The following DLGAP4 variants were observed in gnomAD, a reference collection of about 807,000 sequenced individuals.
DLGAP4 encodes the protein disks large-associated protein 4.
A neutral mutation model predicts 86.9 loss-of-function variants in DLGAP4; 18 were observed. That is an observed-to-expected ratio of 0.21 (90% CI 0.14 to 0.31). The LOEUF (loss-of-function observed/expected upper bound fraction) is 0.31, where lower values mean the gene tolerates loss of function less well. DLGAP4 is among the 10% of genes least tolerant of loss of function. The pLI, the probability that DLGAP4 is intolerant of heterozygous loss-of-function variation, is 1.00. For missense variants in DLGAP4, 1,085 were observed against 1,362.6 expected (o/e 0.80, Z 3.21); for synonymous variants, 548 against 574.3 (o/e 0.95, Z 0.65).
intron 2 of DLGAP4, among the ~76,000 whole-genome samples, chr20:36,417,378 TGTTTTTG>T (rs1401219116): frequency 2.6e-5 from 4 of 151,894 alleles, no homozygotes; most frequent in Admixed American, 2.0e-4. Flanking sequence ...TTTTTGTTTT[TGTTTTTG>T]TTTTTGTTTT....
intron 1 of DLGAP4, among the ~76,000 whole-genome samples, chr20:36,357,861 G>A (rs879995334): frequency 2.6e-5 from 4 of 152,244 alleles, no homozygotes; most frequent in Non-Finnish European, 5.9e-5. Flanking sequence ...GATGGCCGGT[G>A]AGGGGGCTGC....
chr20:36,417,278 G>A (rs757059387), intron 2 of DLGAP4, among the ~76,000 whole-genome samples: 32 of 152,240 alleles, frequency 2.1e-4, no homozygotes, highest in Non-Finnish European at 4.6e-4. Context: ...AAGGCCCCAT[G>A]GCAGGCAAGA....
intron 2 of DLGAP4, among the ~76,000 whole-genome samples, chr20:36,425,359 C>T (rs1206254197): frequency 6.6e-6 from 1 of 152,106 alleles, no homozygotes; most frequent in Non-Finnish European, 1.5e-5. Context: ...CAGGAAAATG[C>T]AAATCAAAGC....
intron 2 of DLGAP4, among the ~76,000 whole-genome samples, chr20:36,424,839 G>T (rs2032931854): frequency 6.6e-6 from 1 of 151,580 alleles, no homozygotes; most frequent in African/African-American, 2.4e-5. Flanking sequence ...AGATTGAAGT[G>T]ATTCTCCTGC....
chr20:36,408,371 G>A (rs541262999), intron 2 of DLGAP4, among the ~76,000 whole-genome samples: 1 of 152,182 alleles, frequency 6.6e-6, no homozygotes, highest in Non-Finnish European at 1.5e-5. Context: ...AGAGTTATCT[G>A]CACCCGAGGA....
intron 1 of DLGAP4, among the ~76,000 whole-genome samples, chr20:36,346,900 G>A (rs1228979787): frequency 6.6e-6 from 1 of 152,172 alleles, no homozygotes; most frequent in African/African-American, 2.4e-5. Context: ...GGGGTTTCTT[G>A]TAACAGGGGC....
In DLGAP4 at chr20:36,320,639, G is replaced by C. The variant is rs188119701; in HGVS notation, c.-304+14127G>C. ...TGCATCCACTGTACTTGTCAGGGCT[G>C]GGGGAGGCAGGGCCTGTGAGCAGCC... On this transcript the variant is annotated intron_variant, in intron 1 of 12. Coordinates refer to ENST00000339266, the MANE Select transcript of DLGAP4 (RefSeq NM_001365621.2). 2.6e-5 allele frequency among the ~76,000 whole-genome samples: 4 copies of C among 152,266 alleles called. No individual in the cohort carries two copies. The East Asian group carries it at 7.7e-4, about 29-fold the overall frequency.
chr20:36,346,437 C>T (rs1258599008), intron 1 of DLGAP4, among the ~76,000 whole-genome samples: 1 of 152,194 alleles, frequency 6.6e-6, no homozygotes, highest in Non-Finnish European at 1.5e-5. Flanking sequence ...CTCCTGGAAG[C>T]GGTGGGTTTC....
At chr20:36,525,250 AAAAACAAAG>A (rs2037663459) in intron 11 of DLGAP4, among the ~76,000 whole-genome samples, 2 of 66,586 alleles carry the variant, frequency 3.0e-5, no homozygotes, top group Non-Finnish European at 8.8e-5. Flanking sequence ...AAAAAAAAAA[AAAAACAAAG>A]AAATCCCACT....
chr20:36,362,556 G>T (rs1271825036), intron 1 of DLGAP4, among the ~76,000 whole-genome samples: 1 of 152,204 alleles, frequency 6.6e-6, no homozygotes, highest in Non-Finnish European at 1.5e-5. Context: ...GACAAGGAAG[G>T]AGGGAAAACC....
At chr20:36,373,359 A>G (rs1019374979) in intron 2 of DLGAP4, among the ~76,000 whole-genome samples, 3 of 152,240 alleles carry the variant, frequency 2.0e-5, no homozygotes, top group Non-Finnish European at 2.9e-5. Context: ...ACAGGTAATA[A>G]GATTTCTGTC....
chr20:36,343,412 A>C (rs2065404207), intron 1 of DLGAP4, among the ~76,000 whole-genome samples: 1 of 152,168 alleles, frequency 6.6e-6, no homozygotes, highest in South Asian at 2.1e-4. Context: ...ACCAGGGCCC[A>C]GGAACCGTGT....
At chr20:36,496,529 C>T (rs2035893733) in intron 7 of DLGAP4, among the ~76,000 whole-genome samples, 176 bp from the exon 8 acceptor site, 1 of 152,212 alleles carries the variant, frequency 6.6e-6, no homozygotes, top group African/African-American at 2.4e-5. Context: ...GTGTGTCTGT[C>T]TTGGTCATTG....
intron 4 of DLGAP4, 57 bp downstream of exon 4, chr20:36,436,407 G>A (rs2033278900): frequency 5.3e-6 from 8 of 1,509,118 alleles, no homozygotes; most frequent in African/African-American, 4.1e-5. Context: ...CGCCCACTAC[G>A]AGTCTTGCTC....
At chr20:36,368,832 T>C (rs2030800314) in intron 2 of DLGAP4, among the ~76,000 whole-genome samples, 1 of 152,244 alleles carries the variant, frequency 6.6e-6, no homozygotes, top group African/African-American at 2.4e-5. Flanking sequence ...TTTTCGTTAT[T>C]TCAATTAAAT....
At chr20:36,404,168 G>T (rs553203193) in intron 2 of DLGAP4, among the ~76,000 whole-genome samples, 1 of 152,302 alleles carries the variant, frequency 6.6e-6, no homozygotes, top group Non-Finnish European at 1.5e-5. Context: ...ATGAAATCTT[G>T]ACTGTACCTT....
intron 1 of DLGAP4, among the ~76,000 whole-genome samples, chr20:36,307,451 T>TC (rs1376221442): frequency 2.6e-5 from 4 of 152,030 alleles, no homozygotes; most frequent in Non-Finnish European, 4.4e-5. Context: ...CTCCGGCCCT[T>TC]CTCCCCTTCT....
intron 10 of DLGAP4, among the ~76,000 whole-genome samples, chr20:36,511,203 CATTTA>C (rs2036675531): frequency 2.0e-5 from 3 of 152,146 alleles, no homozygotes; most frequent in Admixed American, 2.0e-4. Flanking sequence ...TTTTAATTTT[CATTTA>C]ATTTAATTTT....
At chr20:36,335,301 G>A (rs1279406418) in intron 1 of DLGAP4, among the ~76,000 whole-genome samples, 5 of 152,182 alleles carry the variant, frequency 3.3e-5, no homozygotes, top group African/African-American at 4.8e-5. Context: ...AAATGGACCT[G>A]TTGGTAGGGA....
Sources: gnomAD v4.1 joint callset for allele counts (sites outside exome capture counted in the v4.1 genomes callset) on GRCh38, gnomAD v4.1.1 for gene constraint, MANE v1.5 for transcripts, NCBI Gene and HGNC (gene_info 2026-07-23, HGNC 2026-07-21) for gene names.